The following TACR1 variants were observed in gnomAD, a reference collection of about 807,000 sequenced individuals.
TACR1 encodes tachykinin receptor 1, also known as substance-P receptor.
A neutral mutation model predicts 35.8 loss-of-function variants in TACR1; 25 were observed. That is an observed-to-expected ratio of 0.70 (90% CI 0.51 to 0.98). The LOEUF (loss-of-function observed/expected upper bound fraction) is 0.98, where lower values mean the gene tolerates loss of function less well. TACR1 is among the 50% of genes least tolerant of loss of function. TACR1 has a pLI of 0.00. For missense variants in TACR1, 478 were observed against 522.9 expected (o/e 0.91, Z 0.84); for synonymous variants, 195 against 206.7 (o/e 0.94, Z 0.48).
chr2:75,137,350 A>G (rs1396293438), intron 1 of TACR1, among the ~76,000 whole-genome samples: 1 of 152,210 alleles, frequency 6.6e-6, no homozygotes, highest in East Asian at 1.9e-4. Context: ...ACAGAATCCT[A>G]GACATATAGG....
At chr2:75,163,028 A>C (rs1675050145) in intron 1 of TACR1, among the ~76,000 whole-genome samples, 1 of 152,232 alleles carries the variant, frequency 6.6e-6, no homozygotes, top group African/African-American at 2.4e-5. Flanking sequence ...AATGTGAGTG[A>C]AAGTGATGTG....
Position 75,120,577 on chromosome 2 carries a change from T to C in TACR1, c.581A>G (p.Lys194Arg). 6.3e-6 allele frequency: 10 copies of C among 1,597,396 alleles called. No individual in the cohort carries two copies. Among genetic ancestry groups the C allele is most frequent in the Non-Finnish European group, 8.6e-6 (10 of 1,168,804 alleles). ...WPEHPNKIYE[K>R]VYHICVTVLI... ...ATGGGGAGTCATCTCTACTCACACT[T>C]TCTCATAAATCTTGTTCGGATGCTC... Residue 194 changes from lysine (K) to arginine (R), a missense_variant, in exon 2 of 5, where the codon AAA (lysine) becomes AGA (arginine). Coordinates refer to ENST00000305249, the MANE Select transcript of TACR1 (RefSeq NM_001058.4).
rs2103776523 is a variant in TACR1 at position 75,049,882 on chromosome 2, C to G, written c.933-159G>C. On this transcript the variant is annotated intron_variant, in intron 4 of 4. Coordinates refer to ENST00000305249, the MANE Select transcript of TACR1 (RefSeq NM_001058.4). The stretch of plus-strand genomic sequence containing the variant: ...GCTGGAGATGCTGAGGCCAAAAAGG[C>G]TTAAGGGTCAGTCAACAAGGTCAAA... Among the ~76,000 whole-genome samples, 6 of 152,148 alleles carry G rather than the reference C, an allele frequency of 3.9e-5. No homozygotes were observed. In the Middle Eastern group the frequency reaches 0.017, roughly 431 times the overall value.
intron 2 of TACR1, among the ~76,000 whole-genome samples, chr2:75,099,048 A>G (rs527869237): frequency 5.3e-5 from 8 of 151,838 alleles, no homozygotes; most frequent in Non-Finnish European, 7.4e-5. Context: ...CCCTCTGAGG[A>G]GCACATATCC....
At chr2:75,093,765 A>G (rs1673355149) in intron 2 of TACR1, among the ~76,000 whole-genome samples, 1 of 152,156 alleles carries the variant, frequency 6.6e-6, no homozygotes, top group Non-Finnish European at 1.5e-5. Flanking sequence ...TATTAAGCAT[A>G]AGAATGCTGT....
chr2:75,163,400 TCA>T (rs746823393), intron 1 of TACR1, among the ~76,000 whole-genome samples: 9 of 152,214 alleles, frequency 5.9e-5, no homozygotes, highest in Non-Finnish European at 8.8e-5. Context: ...CAGTACAAAC[TCA>T]CAGAGTACAA....
At chr2:75,153,891 T>A (rs1674734129) in intron 1 of TACR1, among the ~76,000 whole-genome samples, 1 of 150,664 alleles carries the variant, frequency 6.6e-6, no homozygotes, top group Non-Finnish European at 1.5e-5. Flanking sequence ...ATCAGATTCA[T>A]TAAATTTTTT....
intron 2 of TACR1, among the ~76,000 whole-genome samples, chr2:75,065,742 A>C (rs927884458): frequency 6.6e-6 from 1 of 152,200 alleles, no homozygotes; most frequent in Non-Finnish European, 1.5e-5. Context: ...AACTGCTTCA[A>C]TTGGTGCCAA....
chr2:75,050,748 G>A (rs1672447625), intron 4 of TACR1, among the ~76,000 whole-genome samples: 1 of 152,172 alleles, frequency 6.6e-6, no homozygotes, highest in Non-Finnish European at 1.5e-5. Flanking sequence ...AAGAAAATGG[G>A]TAAAGCTGCT....
chr2:75,067,262 A>G (rs1284552737), intron 2 of TACR1, among the ~76,000 whole-genome samples: 1 of 152,216 alleles, frequency 6.6e-6, no homozygotes. Flanking sequence ...ATGCTGAATC[A>G]TGCAGATTTA....
intron 1 of TACR1, among the ~76,000 whole-genome samples, chr2:75,126,155 A>G (rs1438799665): frequency 1.3e-5 from 2 of 152,092 alleles, no homozygotes; most frequent in Non-Finnish European, 2.9e-5. Context: ...TCCCACTTAT[A>G]AGTGGGAACA....
At chr2:75,093,800 C>T (rs1469699248) in intron 2 of TACR1, among the ~76,000 whole-genome samples, 2 of 152,096 alleles carry the variant, frequency 1.3e-5, no homozygotes, top group African/African-American at 4.8e-5. Context: ...GGAAAAGTTT[C>T]ATGGCTATTC....
chr2:75,182,173 G>A (rs1302900655), intron 1 of TACR1, among the ~76,000 whole-genome samples: 1 of 152,204 alleles, frequency 6.6e-6, no homozygotes, highest in African/African-American at 2.4e-5. Context: ...AAAGGGGAAA[G>A]CTAAGAGTGA....
intron 1 of TACR1, among the ~76,000 whole-genome samples, chr2:75,190,532 T>C (rs2104080077): frequency 6.6e-6 from 1 of 152,356 alleles, no homozygotes; most frequent in South Asian, 2.1e-4. Flanking sequence ...GAGACAAGAA[T>C]GGACACGTAT....
intron 1 of TACR1, among the ~76,000 whole-genome samples, chr2:75,174,814 A>C (rs1303024626): frequency 1.3e-5 from 2 of 152,224 alleles, no homozygotes; most frequent in African/African-American, 4.8e-5. Flanking sequence ...GGATTTCATT[A>C]AAGATATCTC....
intron 1 of TACR1, among the ~76,000 whole-genome samples, chr2:75,126,346 C>T (rs970062798): frequency 2.6e-5 from 4 of 152,114 alleles, no homozygotes; most frequent in African/African-American, 9.7e-5. Flanking sequence ...GGCATTTAGG[C>T]TGATTCCATG....
intron 1 of TACR1, among the ~76,000 whole-genome samples, chr2:75,147,458 G>A (rs1572956963): frequency 6.6e-6 from 1 of 152,098 alleles, no homozygotes; most frequent in Non-Finnish European, 1.5e-5. Flanking sequence ...CGTGCAGAAT[G>A]TGCAGGTTCA....
intron 1 of TACR1, among the ~76,000 whole-genome samples, chr2:75,175,664 C>G (rs1675394364): frequency 6.6e-6 from 1 of 152,104 alleles, no homozygotes; most frequent in South Asian, 2.1e-4. Flanking sequence ...TTCCCACTTT[C>G]ACTGCGAGGC....
intron 1 of TACR1, among the ~76,000 whole-genome samples, chr2:75,193,600 C>T (rs1350534146): frequency 2.0e-5 from 3 of 152,126 alleles, no homozygotes; most frequent in Non-Finnish European, 4.4e-5. Context: ...CACTTTGCAA[C>T]ATTTGACTTC....
Sources: gnomAD v4.1 joint callset for allele counts (sites outside exome capture counted in the v4.1 genomes callset) on GRCh38, gnomAD v4.1.1 for gene constraint, MANE v1.5 for transcripts, NCBI Gene and HGNC (gene_info 2026-07-23, HGNC 2026-07-21) for gene names.